Variants in CACNB4 observed in about 807,000 individuals in gnomAD.
The protein encoded by CACNB4 is voltage-dependent L-type calcium channel subunit beta-4.
A neutral mutation model predicts 71.2 loss-of-function variants in CACNB4; 32 were observed. The observed-to-expected ratio is 0.45, with a 90% confidence interval of 0.34 to 0.60. The LOEUF (loss-of-function observed/expected upper bound fraction) is 0.60. Among genes scored for constraint, CACNB4 ranks in the 20% least tolerant of loss-of-function variants. The pLI is 0.01. For synonymous variants in CACNB4, 231 were observed against 236.9 expected (o/e 0.97, Z 0.23); for missense variants, 464 against 647.9 (o/e 0.72, Z 3.08).
intron 2 of CACNB4, among the ~76,000 whole-genome samples, chr2:152,016,846 GCTTA>G (rs1247096619): frequency 6.6e-6 from 1 of 152,168 alleles, no homozygotes; most frequent in Non-Finnish European, 1.5e-5. Flanking sequence ...CATTCTGTGT[GCTTA>G]CTGTTTTAAA....
intron 2 of CACNB4, among the ~76,000 whole-genome samples, chr2:152,033,206 G>A (rs1270486230): frequency 1.3e-5 from 2 of 152,176 alleles, no homozygotes; most frequent in Non-Finnish European, 2.9e-5. Context: ...CGGGGTGGGG[G>A]AATGAGGATG....
chr2:151,934,603 C>T (rs2099862450), intron 2 of CACNB4, among the ~76,000 whole-genome samples: 1 of 152,106 alleles, frequency 6.6e-6, no homozygotes, highest in African/African-American at 2.4e-5. Flanking sequence ...CTTTGGGAGG[C>T]CGAGGTGGGC....
rs1032437957 is a variant in CACNB4 at position 152,085,140 on chromosome 2, G to T, written c.147+13190C>A. Among the ~76,000 whole-genome samples, 4 of 152,086 alleles carry T rather than the reference G, an allele frequency of 2.6e-5. No homozygotes were observed. In the South Asian group the frequency reaches 8.3e-4, roughly 32 times the overall value. On this transcript the variant is annotated intron_variant, in intron 2 of 13. Coordinates refer to ENST00000539935, the MANE Select transcript of CACNB4 (RefSeq NM_000726.5). ...GAAAGCACTTTAAGGTGAAGGAATG[G>T]CATGATCAAGGGAGTGGAGGGATGA...
At chr2:152,054,110 G>A (rs1685593252) in intron 2 of CACNB4, among the ~76,000 whole-genome samples, 1 of 152,054 alleles carries the variant, frequency 6.6e-6, no homozygotes, top group Admixed American at 6.6e-5. Context: ...GCTCACGCCT[G>A]TAATCCCAGC....
At chr2:151,983,073 G>C (rs2099874997) in intron 2 of CACNB4, among the ~76,000 whole-genome samples, 1 of 152,170 alleles carries the variant, frequency 6.6e-6, no homozygotes, top group Non-Finnish European at 1.5e-5. Context: ...AAACACAACA[G>C]TGCTATGCAC....
chr2:152,051,601 G>A (rs1685432944), intron 2 of CACNB4, among the ~76,000 whole-genome samples: 1 of 152,190 alleles, frequency 6.6e-6, no homozygotes, highest in African/African-American at 2.4e-5. Flanking sequence ...ATGTGAGGAT[G>A]TGAAAGTACA....
chr2:151,870,116 C>A (rs2099844219), intron 8 of CACNB4: 1 of 606,058 alleles, frequency 1.7e-6, no homozygotes, highest in Non-Finnish European at 2.9e-6. Flanking sequence ...AAAAACCCAG[C>A]AGGGTGAACT....
intron 2 of CACNB4, among the ~76,000 whole-genome samples, chr2:152,075,772 A>G (rs1350298438): frequency 6.6e-6 from 1 of 152,168 alleles, no homozygotes; most frequent in Non-Finnish European, 1.5e-5. Context: ...AAAAGATCTC[A>G]ACTACAGGAA....
At chr2:152,009,437 A>T (rs1560128627) in intron 2 of CACNB4, among the ~76,000 whole-genome samples, 1 of 152,218 alleles carries the variant, frequency 6.6e-6, no homozygotes, top group Non-Finnish European at 1.5e-5. Context: ...GACTTATTTC[A>T]TAAGAACATA....
chr2:152,066,278 T>G (rs1001204800), intron 2 of CACNB4, among the ~76,000 whole-genome samples: 6 of 152,042 alleles, frequency 3.9e-5, no homozygotes, highest in African/African-American at 1.2e-4. Flanking sequence ...AGCTCCACAC[T>G]CATGCATTTG....
intron 2 of CACNB4, among the ~76,000 whole-genome samples, chr2:152,095,741 G>A (rs950708095): frequency 2.6e-5 from 4 of 152,004 alleles, no homozygotes; most frequent in African/African-American, 4.8e-5. Context: ...AACCTCCACC[G>A]CCTAGGTTCA....
intron 12 of CACNB4, 67 bp downstream of exon 12, chr2:151,853,381 A>G (rs1436151323): frequency 2.4e-6 from 2 of 850,278 alleles, no homozygotes; most frequent in Non-Finnish European, 1.8e-6. Context: ...CAACAATATG[A>G]AGAAAAAAAA....
intron 2 of CACNB4, among the ~76,000 whole-genome samples, chr2:152,056,989 A>G (rs1358962402): frequency 6.6e-6 from 1 of 152,184 alleles, no homozygotes; most frequent in Non-Finnish European, 1.5e-5. Flanking sequence ...ACCTCCCAGT[A>G]TTCCTAGTCA....
chr2:151,897,033 G>T (rs1469753097), intron 2 of CACNB4, among the ~76,000 whole-genome samples: 3 of 152,178 alleles, frequency 2.0e-5, no homozygotes, highest in Non-Finnish European at 4.4e-5. Context: ...GCAGATCACT[G>T]AGGTTGAAGA....
intron 2 of CACNB4, among the ~76,000 whole-genome samples, chr2:152,069,777 T>C (rs1172405852): frequency 6.6e-6 from 1 of 151,988 alleles, no homozygotes; most frequent in East Asian, 1.9e-4. Flanking sequence ...TTTTCTGCTA[T>C]TGGACAGAAA....
chr2:152,031,491 C>T lies in CACNB4; in HGVS notation c.147+66839G>A, dbSNP rs138184096. Among the ~76,000 whole-genome samples, 467 of 152,268 alleles carry T rather than the reference C, an allele frequency of 3.1e-3. 2 individuals are homozygous for T. Among genetic ancestry groups the T allele is most frequent in the South Asian group, 6.4e-3 (31 of 4,824 alleles). On this transcript the variant is annotated intron_variant, in intron 2 of 13. Coordinates refer to ENST00000539935, the MANE Select transcript of CACNB4 (RefSeq NM_000726.5). Reference sequence around the variant, plus strand: ...TCTCCTCCTAATATCCCACTGTTGACGGGTGCTGTGTTATCTGTACTGTGG... The same window carrying T: ...TCTCCTCCTAATATCCCACTGTTGATGGGTGCTGTGTTATCTGTACTGTGG...
chr2:151,940,947 G>A (rs1315624683), intron 2 of CACNB4, among the ~76,000 whole-genome samples: 2 of 152,186 alleles, frequency 1.3e-5, no homozygotes, highest in Admixed American at 6.5e-5. Flanking sequence ...CTTGCAGGTA[G>A]TAAATGGGAA....
rs575239556 is a variant in CACNB4, at chr2:151,994,593, C to A, written c.147+103737G>T. Among the ~76,000 whole-genome samples, 5 of 152,232 alleles carry A rather than the reference C, an allele frequency of 3.3e-5. No individual in the cohort carries two copies. In the East Asian group the frequency reaches 9.7e-4, roughly 29 times the overall value. On this transcript the variant is annotated intron_variant, in intron 2 of 13. Transcript: ENST00000539935. ...GTGGTACAATCTTGGCTCACTGCAA[C>A]CTCCACCTCCTGGGTTCAAGCAATT...
intron 2 of CACNB4, among the ~76,000 whole-genome samples, chr2:152,081,517 A>T (rs1687353934): frequency 6.6e-6 from 1 of 152,024 alleles, no homozygotes; most frequent in African/African-American, 2.4e-5. Flanking sequence ...AAAGATCCTG[A>T]CAGATTTGGT....
Sources: allele counts gnomAD v4.1 joint callset (sites outside exome capture counted in the v4.1 genomes callset), GRCh38; gene constraint gnomAD v4.1.1; transcripts MANE v1.5; gene names NCBI Gene and HGNC (gene_info 2026-07-23, HGNC 2026-07-21).